SLC24A3: variants seen among roughly 807,000 people sequenced by gnomAD.
SLC24A3 encodes solute carrier family 24 member 3.
SLC24A3 carries 28 observed loss-of-function variants against 75.8 expected under a neutral mutation model. The ratio of observed to expected loss-of-function variants is 0.37; its 90% confidence interval spans 0.27 to 0.51. The LOEUF is 0.51. Ranked by LOEUF, SLC24A3 falls within the 20% of genes least tolerant of loss-of-function variation. SLC24A3 has a pLI of 0.94. For synonymous variants in SLC24A3, 372 were observed against 334.1 expected (o/e 1.11, Z -1.24); for missense variants, 663 against 847.8 (o/e 0.78, Z 2.71).
At chr20:19,437,160 C>T (rs957394060) in intron 2 of SLC24A3, among the ~76,000 whole-genome samples, 3 of 152,060 alleles carry the variant, frequency 2.0e-5, no homozygotes, top group East Asian at 1.9e-4. Flanking sequence ...ACATGAGAGT[C>T]GGTGATATGG....
intron 7 of SLC24A3, among the ~76,000 whole-genome samples, chr20:19,656,991 G>A (rs994649027): frequency 2.0e-5 from 3 of 152,150 alleles, no homozygotes; most frequent in Non-Finnish European, 4.4e-5. Context: ...CTGGTCTTTG[G>A]GCAAAGCAAT....
At chr20:19,567,796 A>T (rs1437657014) in intron 3 of SLC24A3, among the ~76,000 whole-genome samples, 1 of 152,222 alleles carries the variant, frequency 6.6e-6, no homozygotes, top group Non-Finnish European at 1.5e-5. Context: ...ATACATCAAA[A>T]ATTAAAACTT....
intron 3 of SLC24A3, among the ~76,000 whole-genome samples, chr20:19,554,939 A>T (rs999231385): frequency 6.6e-6 from 1 of 152,190 alleles, no homozygotes; most frequent in African/African-American, 2.4e-5. Flanking sequence ...ACAAGTCCTG[A>T]TGGTTAGCAG....
chr20:19,350,565 A>T (rs1348009660), intron 2 of SLC24A3, among the ~76,000 whole-genome samples: 1 of 152,228 alleles, frequency 6.6e-6, no homozygotes, highest in Non-Finnish European at 1.5e-5. Flanking sequence ...CGCCTGCCAG[A>T]CATCAATAGT....
At chr20:19,395,410 A>T (rs1986437321) in intron 2 of SLC24A3, among the ~76,000 whole-genome samples, 1 of 152,250 alleles carries the variant, frequency 6.6e-6, no homozygotes, top group African/African-American at 2.4e-5. Flanking sequence ...ACCAATGTTA[A>T]CATTTTGGTA....
At chr20:19,266,461 C>A (rs960589556) in intron 1 of SLC24A3, among the ~76,000 whole-genome samples, 1 of 152,122 alleles carries the variant, frequency 6.6e-6, no homozygotes, top group African/African-American at 2.4e-5. Context: ...TTAAGAAAAG[C>A]CCAGAATTAA....
At chr20:19,569,883 G>T (rs2031024903) in intron 3 of SLC24A3, among the ~76,000 whole-genome samples, 1 of 152,208 alleles carries the variant, frequency 6.6e-6, no homozygotes, top group Admixed American at 6.5e-5. Context: ...CTGCACTGCT[G>T]CAAATAAGTC....
intron 2 of SLC24A3, among the ~76,000 whole-genome samples, chr20:19,322,777 C>T (rs1336072619): frequency 7.9e-5 from 12 of 152,222 alleles, no homozygotes; most frequent in Non-Finnish European, 5.9e-5. Flanking sequence ...GCAGCAAACC[C>T]AGGGCCTGTG....
At chr20:19,589,349 C>T (rs2031341224) in intron 6 of SLC24A3, among the ~76,000 whole-genome samples, 1 of 152,206 alleles carries the variant, frequency 6.6e-6, no homozygotes, top group South Asian at 2.1e-4. Flanking sequence ...AGTATTTCTC[C>T]ACCAGCTTCC....
chr20:19,279,686 T>G (rs1983600184), intron 1 of SLC24A3, among the ~76,000 whole-genome samples: 1 of 152,198 alleles, frequency 6.6e-6, no homozygotes, highest in Non-Finnish European at 1.5e-5. Context: ...TTCATATATG[T>G]GCCTCCCACC....
At chr20:19,432,691 T>G (rs943221519) in intron 2 of SLC24A3, among the ~76,000 whole-genome samples, 1 of 152,212 alleles carries the variant, frequency 6.6e-6, no homozygotes, top group African/African-American at 2.4e-5. Flanking sequence ...TCAGCTGTGT[T>G]GCCTCAGCTA....
chr20:19,624,205 G>C (rs1165427591), intron 6 of SLC24A3, among the ~76,000 whole-genome samples: 1 of 151,986 alleles, frequency 6.6e-6, no homozygotes, highest in East Asian at 1.9e-4. Context: ...GTTTTGATTG[G>C]ACTCCCTGCT....
At chr20:19,213,765 T>A (rs990848181) in intron 1 of SLC24A3, among the ~76,000 whole-genome samples, 4 of 152,174 alleles carry the variant, frequency 2.6e-5, no homozygotes, top group Non-Finnish European at 5.9e-5. Flanking sequence ...CTGAAATAGA[T>A]CTTGTGTGCT....
At chr20:19,284,324 T>A (rs548938021) in intron 2 of SLC24A3, 3 of 152,772 alleles carry the variant, frequency 2.0e-5, no homozygotes, top group Admixed American at 6.5e-5. Context: ...TGAGGGCAGG[T>A]TCATTCTAAA....
chr20:19,449,844 A>G (rs926577883), intron 2 of SLC24A3, among the ~76,000 whole-genome samples: 6 of 152,212 alleles, frequency 3.9e-5, no homozygotes, highest in African/African-American at 1.4e-4. Flanking sequence ...TAGAGTGTTC[A>G]TTCCAGATAC....
chr20:19,527,201 A>G (rs2030214808), intron 3 of SLC24A3, among the ~76,000 whole-genome samples: 1 of 151,982 alleles, frequency 6.6e-6, no homozygotes, highest in Non-Finnish European at 1.5e-5. Context: ...ATCTCCCTCT[A>G]CTCTAAATTC....
chr20:19,350,001 A>G (rs905873454), intron 2 of SLC24A3, among the ~76,000 whole-genome samples: 2 of 152,200 alleles, frequency 1.3e-5, no homozygotes, highest in Admixed American at 6.5e-5. Context: ...CCAGGGACCC[A>G]GCAGGGTGAG....
intron 6 of SLC24A3, among the ~76,000 whole-genome samples, chr20:19,642,373 G>A (rs1020229381): frequency 6.6e-6 from 1 of 152,210 alleles, no homozygotes; most frequent in Non-Finnish European, 1.5e-5. Context: ...ACATTGCTGA[G>A]CATCTGTTAT....
chr20:19,589,603 C>T (rs2031345201), intron 6 of SLC24A3, among the ~76,000 whole-genome samples: 1 of 152,174 alleles, frequency 6.6e-6, no homozygotes, highest in African/African-American at 2.4e-5. Context: ...GTCTCATCTT[C>T]AGCTCCCTTG....
Sources: allele counts gnomAD v4.1 joint callset (sites outside exome capture counted in the v4.1 genomes callset), GRCh38; gene constraint gnomAD v4.1.1; transcripts MANE v1.5; gene names NCBI Gene and HGNC (gene_info 2026-07-23, HGNC 2026-07-21).